CNTN4: variants seen among roughly 807,000 people sequenced by gnomAD.
CNTN4 encodes the protein contactin 4.
In CNTN4, 77 loss-of-function variants were observed where a neutral mutation model predicts 122.5. That is an observed-to-expected ratio of 0.63 (90% confidence interval 0.52 to 0.76). The LOEUF (loss-of-function observed/expected upper bound fraction) is 0.76. Among genes scored for constraint, CNTN4 ranks in the 30% least tolerant of loss-of-function variants. CNTN4 has a pLI of 0.00. For missense variants in CNTN4, 1,256 were observed against 1,259.1 expected (o/e 1.00, Z 0.04); for synonymous variants, 512 against 447.0 (o/e 1.15, Z -1.83).
intron 4 of CNTN4, among the ~76,000 whole-genome samples, chr3:2,663,998 TG>T (rs2084029267): frequency 6.6e-6 from 1 of 151,586 alleles, no homozygotes; most frequent in Admixed American, 6.6e-5. Context: ...GAGAGGTAGG[TG>T]GGGGTGGTTG....
chr3:2,686,554 T>A (rs775476554), intron 4 of CNTN4, among the ~76,000 whole-genome samples: 7 of 140,446 alleles, frequency 5.0e-5, no homozygotes, highest in Admixed American at 1.3e-4. Context: ...CATATAAAAT[T>A]GTTTGATGTT....
chr3:2,828,154 T>TA (rs1355441272), intron 7 of CNTN4, among the ~76,000 whole-genome samples: 3 of 152,052 alleles, frequency 2.0e-5, no homozygotes, highest in African/African-American at 7.2e-5. Flanking sequence ...CGTGTGTGTA[T>TA]AATGAGAGAA....
intron 8 of CNTN4, among the ~76,000 whole-genome samples, chr3:2,877,168 T>C (rs1321599764): frequency 2.0e-5 from 3 of 152,244 alleles, no homozygotes; most frequent in African/African-American, 7.2e-5. Flanking sequence ...TACTAAGCCA[T>C]GTGCTGAAAA....
At chr3:2,987,553 GCTAT>G (rs1425756686) in intron 13 of CNTN4, among the ~76,000 whole-genome samples, 6 of 152,184 alleles carry the variant, frequency 3.9e-5, no homozygotes, top group African/African-American at 9.7e-5. Context: ...CCTTGAGTGA[GCTAT>G]CTGTGTACAT....
At chr3:2,106,889 T>G (rs1340881291) in intron 2 of CNTN4, among the ~76,000 whole-genome samples, 1 of 152,230 alleles carries the variant, frequency 6.6e-6, no homozygotes, top group African/African-American at 2.4e-5. Context: ...CACTCAAGTT[T>G]AAAGTTCCAC....
rs1003384051 is a variant in CNTN4, at chr3:2,805,416, C to A, written c.359-14070C>A. Among the ~76,000 whole-genome samples, 6 of 152,238 alleles carry A rather than the reference C, an allele frequency of 3.9e-5. No homozygotes were observed. The East Asian group carries it at 1.2e-3, about 29-fold the overall frequency. The stretch of plus-strand genomic sequence containing the variant: ...TCAGAATAGAAAATGATCTCAGGAG[C>A]AATGTTGTGACGATGGAAAGATGAC... On this transcript the variant is annotated intron_variant, in intron 6 of 24. Transcript: ENST00000418658.
intron 10 of CNTN4, among the ~76,000 whole-genome samples, chr3:2,900,160 C>CT (rs1235644941): frequency 2.0e-5 from 3 of 152,138 alleles, no homozygotes; most frequent in African/African-American, 7.2e-5. Flanking sequence ...AATTGCTGGT[C>CT]TTTTCCAATC....
rs1251699554 is a variant in CNTN4, at chr3:2,841,729, T to G, written c.454+22148T>G. Among the ~76,000 whole-genome samples the G allele has an allele frequency of 1.3e-5, 2 of 152,192 alleles. No individual in the cohort carries two copies. Among genetic ancestry groups the G allele is most frequent in the Admixed American group, 1.3e-4 (2 of 15,280 alleles). ...GAAAGTAGCTGTGCCTTGAAGTTAT[T>G]AAAAATATGTTTCACTCATGATAAC... is the stretch of plus-strand genomic sequence containing the variant. On this transcript the variant is annotated intron_variant, in intron 7 of 24. Transcript: ENST00000418658. The surrounding 1 kb of genome is among the most constrained non-coding windows in gnomAD (Gnocchi z 4.8).
chr3:2,899,802 A>G (rs1382527853), intron 10 of CNTN4, among the ~76,000 whole-genome samples: 2 of 152,294 alleles, frequency 1.3e-5, no homozygotes, highest in South Asian at 2.1e-4. Context: ...GAACTCATTT[A>G]AAGATTTGGG....
chr3:2,740,733 T>C (rs1330555404), intron 5 of CNTN4, among the ~76,000 whole-genome samples: 2 of 152,166 alleles, frequency 1.3e-5, no homozygotes, highest in Non-Finnish European at 2.9e-5. Context: ...ACTGGAGTCA[T>C]CAGGTAGGGT....
intron 8 of CNTN4, among the ~76,000 whole-genome samples, chr3:2,882,247 C>T (rs988398724): frequency 4.6e-5 from 7 of 152,010 alleles, no homozygotes; most frequent in Admixed American, 4.6e-4. Context: ...CAACTGTAGT[C>T]CTAGCAACTC....
At chr3:2,706,854 T>A (rs1252888562) in intron 4 of CNTN4, among the ~76,000 whole-genome samples, 1 of 152,224 alleles carries the variant, frequency 6.6e-6, no homozygotes, top group African/African-American at 2.4e-5. Context: ...TCTCTTAAGG[T>A]CTCTGTGCCT....
chr3:2,296,992 C>A (rs1478117383), intron 2 of CNTN4, among the ~76,000 whole-genome samples: 2 of 152,098 alleles, frequency 1.3e-5, no homozygotes, highest in Non-Finnish European at 2.9e-5. Context: ...GGAATGGAAA[C>A]AATTTCAAAA....
At chr3:2,445,905 C>T (rs943104469) in intron 3 of CNTN4, among the ~76,000 whole-genome samples, 2 of 152,088 alleles carry the variant, frequency 1.3e-5, no homozygotes, top group African/African-American at 4.8e-5. Context: ...ACATTGTCTG[C>T]ATGTTCTGCC....
intron 6 of CNTN4, among the ~76,000 whole-genome samples, chr3:2,756,662 A>T (rs942355257): frequency 3.3e-5 from 5 of 152,328 alleles, no homozygotes; most frequent in Middle Eastern, 3.4e-3. Context: ...ATGGACCATA[A>T]ATTCAATATC....
chr3:2,557,961 C>A (rs943708441), intron 3 of CNTN4, among the ~76,000 whole-genome samples: 5 of 152,036 alleles, frequency 3.3e-5, no homozygotes, highest in African/African-American at 4.8e-5. Flanking sequence ...TGAACTTTTT[C>A]TGGAAATGAT....
chr3:2,154,497 G>A (rs2035634475), intron 2 of CNTN4, among the ~76,000 whole-genome samples: 1 of 152,122 alleles, frequency 6.6e-6, no homozygotes, highest in African/African-American at 2.4e-5. Context: ...CATTAGAGAT[G>A]GTTTCTGGCA....
intron 7 of CNTN4, among the ~76,000 whole-genome samples, chr3:2,842,487 C>G (rs150298983): frequency 6.7e-6 from 1 of 149,116 alleles, no homozygotes; most frequent in Admixed American, 6.7e-5. Context: ...CTACCTGCAT[C>G]GGAACAATGT....
chr3:2,676,938 C>T (rs530469933), intron 4 of CNTN4, among the ~76,000 whole-genome samples: 1 of 152,246 alleles, frequency 6.6e-6, no homozygotes, highest in South Asian at 2.1e-4. Context: ...CTAGGAACAT[C>T]TAAATAGACT....
Sources: allele counts gnomAD v4.1 joint callset (sites outside exome capture counted in the v4.1 genomes callset), GRCh38; gene constraint gnomAD v4.1.1; non-coding constraint Gnocchi (gnomAD v3.1); transcripts MANE v1.5; gene names NCBI Gene and HGNC (gene_info 2026-07-23, HGNC 2026-07-21).